The following NDST1 variants were observed in gnomAD, a reference collection of about 807,000 sequenced individuals.
NDST1 encodes N-deacetylase and N-sulfotransferase 1.
Under a neutral mutation model 92.8 loss-of-function variants are expected in NDST1, and 35 were observed. The observed-to-expected ratio is 0.38, with a 90% confidence interval of 0.29 to 0.50. The LOEUF (loss-of-function observed/expected upper bound fraction) is 0.50. Among genes scored for constraint, NDST1 ranks in the 20% least tolerant of loss-of-function variants. The pLI is 0.94. For synonymous variants in NDST1, 493 were observed against 500.3 expected (o/e 0.99, Z 0.19); for missense variants, 822 against 1,182.7 (o/e 0.69, Z 4.47).
chr5:150,539,489 C>T, intron 7 of NDST1, 133 bp downstream of exon 7: 2 of 1,579,512 alleles, frequency 1.3e-6, no homozygotes, highest in Non-Finnish European at 1.7e-6. Context: ...GGGAGACCCA[C>T]TCTCCAGCAC....
chr5:150,535,667 A>C, intron 5 of NDST1, 33 bp from the exon 6 acceptor site: 1 of 1,613,224 alleles, frequency 6.2e-7, no homozygotes, highest in Non-Finnish European at 8.5e-7. Context: ...AAGGACCCCT[A>C]TGCTCACCCT....
At chr5:150,533,337 T>C (rs1343786629) in intron 4 of NDST1, among the ~76,000 whole-genome samples, 2 of 152,234 alleles carry the variant, frequency 1.3e-5, no homozygotes, top group Admixed American at 6.5e-5. Context: ...TTTACAATTA[T>C]GTGTATTATT....
At chr5:150,539,153 T>TC in intron 6 of NDST1, 75 bp from the exon 7 acceptor site, 1 of 1,257,572 alleles carries the variant, frequency 8.0e-7, no homozygotes, top group Non-Finnish European at 1.2e-6. Flanking sequence ...TGGGCCTTCT[T>TC]CCTCTGAGGA....
chr5:150,530,557 A>ATTTTTTTTT (rs71589713), intron 3 of NDST1, among the ~76,000 whole-genome samples: 1 of 127,234 alleles, frequency 7.9e-6, no homozygotes, highest in Non-Finnish European at 1.6e-5. Flanking sequence ...CGTATTTTAA[A>ATTTTTTTTT]TTTTTTTTTT....
Position 150,553,422 on chromosome 5 carries a change from C to T in NDST1, c.*90C>T, listed in dbSNP as rs1257605271. On this transcript the variant is annotated 3_prime_UTR_variant, in exon 15 of 15. Transcript: ENST00000261797. The surrounding 1 kb of genome is among the most constrained non-coding windows in gnomAD (Gnocchi z 4.2). ...AGACCTGCAGAGTGGGAAGCTGGAC[C>T]AGGGCAGCTGCGCACTTATGAGCAA... The T allele has an allele frequency of 4.6e-6, 7 of 1,529,624 alleles. No individual in the cohort carries two copies. In the Admixed American group the frequency reaches 1.2e-4, roughly 26 times the overall value. 94.8% of individuals were successfully genotyped at this position (1,529,624 alleles called of 1,614,324 possible).
chr5:150,554,353 A>ATATATG lies in NDST1; in HGVS notation c.*1026_*1027insGTATAT, dbSNP rs914999251. 1 of 161,928 alleles carries ATATATG rather than the reference A, an allele frequency of 6.2e-6. No homozygotes were observed. The highest frequency in any genetic ancestry group is 2.5e-5 in the African/African-American group (1 of 40,576). The allele number at this position is 161,928 out of a possible 1,614,324, so 10.0% of individuals were successfully genotyped here. On this transcript the variant is annotated 3_prime_UTR_variant, in exon 15 of 15. Transcript: ENST00000261797. The stretch of plus-strand genomic sequence containing the variant: ...CACTGTGTTATATATATATATATAT[A>ATATATG]TATATAATGTGTATATATATATATT...
upstream of NDST1, among the ~76,000 whole-genome samples, chr5:150,504,135 C>T (rs1753349191): frequency 6.6e-6 from 1 of 152,204 alleles, no homozygotes; most frequent in South Asian, 2.1e-4. Flanking sequence ...CCAGCCAAGC[C>T]CTCTGCTTCT....
chr5:150,538,598 C>G (rs1050297236), intron 6 of NDST1, among the ~76,000 whole-genome samples: 1 of 152,158 alleles, frequency 6.6e-6, no homozygotes, highest in African/African-American at 2.4e-5. Context: ...GTCTGAGGTG[C>G]TGGAAGGATG....
chr5:150,519,687 A>G (rs75026171), intron 1 of NDST1, among the ~76,000 whole-genome samples: 1 of 149,068 alleles, frequency 6.7e-6, no homozygotes, highest in Non-Finnish European at 1.5e-5. Context: ...CTCCGCCTCA[A>G]AAAAAAAAAG....
At chr5:150,511,817 G>T (rs1187385425) in intron 1 of NDST1, among the ~76,000 whole-genome samples, 1 of 152,098 alleles carries the variant, frequency 6.6e-6, no homozygotes, top group Non-Finnish European at 1.5e-5. Context: ...ATGTAATCAC[G>T]CTGGAGAAAC....
At chr5:150,536,369 G>C (rs1754987444) in intron 6 of NDST1, among the ~76,000 whole-genome samples, 1 of 151,900 alleles carries the variant, frequency 6.6e-6, no homozygotes, top group Admixed American at 6.6e-5. Context: ...AGCCAGGTGT[G>C]GTGGTGCATG....
At chr5:150,498,708 T>G (rs1022846437) in intron 1 of NDST1, among the ~76,000 whole-genome samples, 3 of 152,212 alleles carry the variant, frequency 2.0e-5, no homozygotes, top group African/African-American at 7.2e-5. Flanking sequence ...GAGCTGTCGT[T>G]AGCTGACCTG....
In NDST1 at chr5:150,528,257, G is replaced by C. The variant is rs1392222515; in HGVS notation, c.967G>C (p.Val323Leu). 1.9e-6 allele frequency: 3 copies of C among 1,608,624 alleles called. No individual in the cohort carries two copies. Among genetic ancestry groups the C allele is most frequent in the Non-Finnish European group, 2.6e-6 (3 of 1,175,582 alleles). Residue 323 changes from valine (V) to leucine (L), a missense_variant, in exon 3 of 15, where the codon GTG (valine) becomes CTG (leucine). Physicochemically the swap from Val to Leu is conservative, Grantham distance 32 (BLOSUM62 1). Transcript: ENST00000261797. ...CCTGGTGGACATTGATGACATCTTCGTGGGCAAGGAGGGCACACGCATGAA... is the reference window on the plus strand; with the variant it reads ...CCTGGTGGACATTGATGACATCTTCCTGGGCAAGGAGGGCACACGCATGAA... ...YILVDIDDIF[V>L]GKEGTRMKVE...
intron 1 of NDST1, among the ~76,000 whole-genome samples, chr5:150,510,764 C>A (rs1288000008): frequency 2.6e-5 from 4 of 152,210 alleles, no homozygotes; most frequent in Non-Finnish European, 5.9e-5. Context: ...AGGGAGTGAA[C>A]CAGTAGTGCT....
intron 13 of NDST1, among the ~76,000 whole-genome samples, chr5:150,551,499 G>C (rs368188724): frequency 1.3e-5 from 2 of 152,232 alleles, no homozygotes; most frequent in South Asian, 4.1e-4. Context: ...TGAAGCGGCT[G>C]TGGCTGGTCG....
Position 150,532,933 on chromosome 5 carries a change from T to C in NDST1, c.1009-12T>C. ...TTCCCTCACTCATTCCTTTCTCCCC[T>C]GCCTGTCCTAGGCCCTGTTTGACAC... is the stretch of plus-strand genomic sequence containing the variant. On this transcript the variant is annotated splice_polypyrimidine_tract_variant and intron_variant, in intron 3 of 14. Coordinates refer to ENST00000261797, the MANE Select transcript of NDST1 (RefSeq NM_001543.5). 6.2e-7 allele frequency: 1 copy of C among 1,613,782 alleles called. No individual in the cohort carries two copies. The highest frequency in any genetic ancestry group is 8.5e-7 in the Non-Finnish European group (1 of 1,179,630).
At chr5:150,499,695 C>A (rs1177481074) in intron 1 of NDST1, among the ~76,000 whole-genome samples, 2 of 152,196 alleles carry the variant, frequency 1.3e-5, no homozygotes, top group Non-Finnish European at 2.9e-5. Context: ...GAATCCTCCC[C>A]CAAGATAAGC....
chr5:150,553,490 G>A lies in NDST1; in HGVS notation c.*158G>A, dbSNP rs1028785927. On this transcript the variant is annotated 3_prime_UTR_variant, in exon 15 of 15. Coordinates refer to ENST00000261797, the MANE Select transcript of NDST1 (RefSeq NM_001543.5). The surrounding 1 kb of genome is among the most constrained non-coding windows in gnomAD (Gnocchi z 4.2). The stretch of plus-strand genomic sequence containing the variant: ...GTGGGGCTGGGGGAGCACCCAGGCG[G>A]ATCTGCAAGCACCTCGGAGCACCCA... 3.8e-6 allele frequency: 4 copies of A among 1,050,372 alleles called. No individual in the cohort carries two copies. Among genetic ancestry groups the A allele is most frequent in the Non-Finnish European group, 5.8e-6 (4 of 693,630 alleles). 65.1% of individuals were successfully genotyped at this position (1,050,372 alleles called of 1,614,324 possible).
At chr5:150,536,110 C>G (rs573851545) in intron 6 of NDST1, among the ~76,000 whole-genome samples, 1 of 152,264 alleles carries the variant, frequency 6.6e-6, no homozygotes, top group East Asian at 1.9e-4. Flanking sequence ...GACAGAGGAT[C>G]AAGCAATAAT....
Sources: allele counts gnomAD v4.1 joint callset (sites outside exome capture counted in the v4.1 genomes callset), GRCh38; gene constraint gnomAD v4.1.1; non-coding constraint Gnocchi (gnomAD v3.1); transcripts MANE v1.5; gene names NCBI Gene and HGNC (gene_info 2026-07-23, HGNC 2026-07-21).